The following TNK2 variants were observed in gnomAD, a reference collection of about 807,000 sequenced individuals.
The protein encoded by TNK2 is activated CDC42 kinase 1.
In TNK2, 83 loss-of-function variants were observed where a neutral mutation model predicts 101.8. The ratio of observed to expected loss-of-function variants is 0.82; its 90% confidence interval spans 0.68 to 0.98. The LOEUF is 0.98. TNK2 is among the 50% of genes least tolerant of loss of function. The probability of loss-of-function intolerance (pLI) is 0.00; values close to 1 mark genes in which losing one functional copy is unlikely to be tolerated. For missense variants in TNK2, 1,665 were observed against 1,483.2 expected (o/e 1.12, Z -2.01); for synonymous variants, 804 against 633.0 (o/e 1.27, Z -4.06).
Position 195,870,152 on chromosome 3 carries a change from C to T in TNK2, c.1505G>A (p.Ser502Asn), listed in dbSNP as rs956993645. The change falls in exon 11 of 16, where the codon AGC (serine) becomes AAC (asparagine). Residue 502 changes from serine to asparagine, a missense_variant. Coordinates refer to ENST00000672887, the MANE Select transcript of TNK2 (RefSeq NM_001382273.1). ...TAGATGCTGGGGGGGCCGGGAGGTGCTCAGTTCCACGCTCAGGAGGTCGGG... is the reference window on the plus strand; with the variant it reads ...TAGATGCTGGGGGGGCCGGGAGGTGTTCAGTTCCACGCTCAGGAGGTCGGG... The part of the protein sequence containing the change: ...DPPDLLSVEL[S>N]TSRPPQHLGG... 2 of 1,494,600 alleles carry T rather than the reference C, an allele frequency of 1.3e-6. No homozygotes were observed. Among genetic ancestry groups the T allele is most frequent in the Non-Finnish European group, 1.8e-6 (2 of 1,116,052 alleles). 92.6% of individuals were successfully genotyped at this position (1,494,600 alleles called of 1,614,324 possible).
intron 10 of TNK2, among the ~76,000 whole-genome samples, chr3:195,871,201 G>A (rs941625819): frequency 6.6e-6 from 1 of 152,032 alleles, no homozygotes. Context: ...AGCTTCGGGG[G>A]GTGGGGGGTG....
chr3:195,878,696 C>T lies in TNK2; in HGVS notation c.1015-104G>A. ...CACAGCTGCAGCGGCTGCTGCCATG[C>T]CTGGCCTCCAAAGAAGGGATCTGCC... is the stretch of plus-strand genomic sequence containing the variant. On this transcript the variant is annotated intron_variant, in intron 7 of 15. Transcript: ENST00000672887. The surrounding 1 kb of genome is among the most constrained non-coding windows in gnomAD (Gnocchi z 4.7). 1.4e-6 allele frequency: 2 copies of T among 1,475,368 alleles called. No individual in the cohort carries two copies. The highest frequency in any genetic ancestry group is 1.8e-6 in the Non-Finnish European group (2 of 1,102,720). The allele number at this position is 1,475,368 out of a possible 1,614,324, so 91.4% of individuals were successfully genotyped here.
At chr3:195,879,899 A>G (rs881753) in intron 6 of TNK2, among the ~76,000 whole-genome samples, 86,047 of 152,036 alleles carry the variant, frequency 0.57, 25,937 homozygotes, top group African/African-American at 0.76. Context: ...AAAGGCAACT[A>G]TATTCATACC....
At chr3:195,864,879 G>C (rs533013791) in intron 15 of TNK2, among the ~76,000 whole-genome samples, 1 of 135,258 alleles carries the variant, frequency 7.4e-6, no homozygotes, top group African/African-American at 2.8e-5. Context: ...GTGACAGCAA[G>C]TGCCTGCGTC....
chr3:195,870,104 G>C lies in TNK2; in HGVS notation c.1543+10C>G, dbSNP rs776868339. 1.4e-6 allele frequency: 2 copies of C among 1,454,402 alleles called. No homozygotes were observed. The highest frequency in any genetic ancestry group is 5.4e-5 in the Admixed American group (2 of 36,740). 90.1% of individuals were successfully genotyped at this position (1,454,402 alleles called of 1,614,324 possible). On this transcript the variant is annotated intron_variant, in intron 11 of 15. Transcript: ENST00000672887. Reference sequence around the variant, plus strand: ...GAGTTAGGGACACCAGGGAGCAGAGGGGCTCTTACTTTTCACCCCTCCTAG... The same window carrying C: ...GAGTTAGGGACACCAGGGAGCAGAGCGGCTCTTACTTTTCACCCCTCCTAG...
chr3:195,883,170 G>A lies in TNK2; in HGVS notation c.596C>T (p.Pro199Leu), dbSNP rs759113376. The A allele has an allele frequency of 2.1e-5, 33 of 1,605,682 alleles. No individual in the cohort carries two copies. Among genetic ancestry groups the A allele is most frequent in the East Asian group, 8.9e-5 (4 of 44,840 alleles). The change falls in exon 5 of 16, where the codon CCG becomes CTG. Residue 199 changes from proline (P) to leucine (L), a missense_variant. This residue lies in a region of TNK2 where 490 missense variants were observed against 522.5 expected (regional missense o/e 0.94). Coordinates refer to ENST00000672887, the MANE Select transcript of TNK2 (RefSeq NM_001382273.1). ...LIRLYGVVLT[P>L]PMKMVTELAP... ...CGCAGTACTCACCATCTTCATGGGC[G>A]GCGTGAGCACCACCCCGTAGAGGCG...
chr3:195,877,532 C>T (rs1750095291), intron 9 of TNK2, among the ~76,000 whole-genome samples: 1 of 152,208 alleles, frequency 6.6e-6, no homozygotes, highest in South Asian at 2.1e-4. Context: ...CCACTTCACT[C>T]TTCTTCCTGG....
chr3:195,906,438 T>C (rs1406941216), intron 1 of TNK2, among the ~76,000 whole-genome samples: 1 of 152,124 alleles, frequency 6.6e-6, no homozygotes, highest in Non-Finnish European at 1.5e-5. Context: ...TTGGCACACG[T>C]GTACAATGAC....
intron 15 of TNK2, among the ~76,000 whole-genome samples, chr3:195,864,794 TGACA>T (rs1411353234): frequency 3.7e-5 from 4 of 109,540 alleles, no homozygotes; most frequent in Non-Finnish European, 5.7e-5. Context: ...CCCGAGACAG[TGACA>T]GACAGGTGAC....
chr3:195,870,332 C>T (rs1449276126), intron 10 of TNK2, 127 bp from the exon 11 acceptor site: 2 of 1,527,926 alleles, frequency 1.3e-6, no homozygotes, highest in Admixed American at 1.8e-5. Flanking sequence ...AGGCCTCCCG[C>T]CTCCCAGTCC....
intron 9 of TNK2, among the ~76,000 whole-genome samples, chr3:195,873,686 C>T (rs1337183497): frequency 1.3e-5 from 2 of 152,310 alleles, no homozygotes; most frequent in East Asian, 3.9e-4. Context: ...GGAGAGAGGA[C>T]GGAGGAGGTG....
chr3:195,892,289 G>A (rs915929470), intron 1 of TNK2: 58 of 1,035,136 alleles, frequency 5.6e-5, no homozygotes, highest in African/African-American at 3.9e-4. Flanking sequence ...CGGACTCCCC[G>A]TCAAGCCCTC....
At chr3:195,900,681 C>T (rs1761111567) in intron 1 of TNK2, among the ~76,000 whole-genome samples, 1 of 152,212 alleles carries the variant, frequency 6.6e-6, no homozygotes, top group Non-Finnish European at 1.5e-5. Flanking sequence ...CCCATGCACG[C>T]CACACATGCC....
At position 195,868,712 on chromosome 3, in the gene TNK2, G is replaced by A; in HGVS notation, c.1589-3C>T. 6.4e-7 allele frequency: 1 copy of A among 1,553,070 alleles called. No homozygotes were observed. On this transcript the variant is annotated splice_polypyrimidine_tract_variant and splice_region_variant and intron_variant, in intron 12 of 15. Coordinates refer to ENST00000672887, the MANE Select transcript of TNK2 (RefSeq NM_001382273.1). The stretch of plus-strand genomic sequence containing the variant: ...GCTCACAGGGTCATAGGTTGGTTCT[G>A]TGATGGAAAGGGAGAGCCCAACAGG...
At chr3:195,892,315 C>T (rs1161736856) in intron 1 of TNK2, 7 of 1,283,088 alleles carry the variant, frequency 5.5e-6, no homozygotes, top group Non-Finnish European at 7.3e-6. Context: ...CGGGGTCCCT[C>T]AGCCGCTCCC....
chr3:195,865,718 A>G (rs979812364), intron 15 of TNK2, among the ~76,000 whole-genome samples: 1 of 151,620 alleles, frequency 6.6e-6, no homozygotes, highest in Non-Finnish European at 1.5e-5. Context: ...AGTATGGGAC[A>G]GACAGGTGAC....
chr3:195,867,407 G>T lies in TNK2; in HGVS notation c.2891C>A (p.Pro964His). ...CCGGCCCGCCTCTGGCCCATCGCCAGGGCAGCCCCTCTGTGGCAGCCGAGC... is the reference window on the plus strand; with the variant it reads ...CCGGCCCGCCTCTGGCCCATCGCCATGGCAGCCCCTCTGTGGCAGCCGAGC... Reference protein sequence around the residue: ...ATARLPQRGCPGDGPEAGRPA... With the variant: ...ATARLPQRGCHGDGPEAGRPA... The change falls in exon 13 of 16, where the codon CCT (proline) becomes CAT (histidine). Residue 964 changes from proline (P) to histidine (H), a missense_variant. Pro to His is a moderately conservative substitution (Grantham distance 77). Coordinates refer to ENST00000672887, the MANE Select transcript of TNK2 (RefSeq NM_001382273.1). The T allele has an allele frequency of 6.2e-7, 1 of 1,604,610 alleles. No individual in the cohort carries two copies.
At chr3:195,895,450 G>A in intron 1 of TNK2, 2 of 1,421,868 alleles carry the variant, frequency 1.4e-6, no homozygotes, top group Non-Finnish European at 1.8e-6. Flanking sequence ...CTGCGTCTCA[G>A]CCCCCATAGC....
chr3:195,898,008 C>T (rs1237852842), intron 1 of TNK2, among the ~76,000 whole-genome samples: 1 of 151,970 alleles, frequency 6.6e-6, no homozygotes, highest in Non-Finnish European at 1.5e-5. Context: ...CATTTCCAGA[C>T]ATTTACAGGG....
Sources: allele counts gnomAD v4.1 joint callset (sites outside exome capture counted in the v4.1 genomes callset), GRCh38; gene constraint gnomAD v4.1.1; regional missense constraint gnomAD v4.1.1; non-coding constraint Gnocchi (gnomAD v3.1); transcripts MANE v1.5; gene names NCBI Gene and HGNC (gene_info 2026-07-23, HGNC 2026-07-21).